ASTN2: variants seen among roughly 807,000 people sequenced by gnomAD.
ASTN2 encodes astrotactin-2.
A neutral mutation model predicts 139.8 loss-of-function variants in ASTN2; 54 were observed. The ratio of observed to expected loss-of-function variants is 0.39; its 90% CI spans 0.31 to 0.48. ASTN2 has a LOEUF of 0.48. ASTN2 is among the 20% of genes least tolerant of loss of function. ASTN2 has a pLI of 0.95. For synonymous variants in ASTN2, 756 were observed against 719.5 expected (o/e 1.05, Z -0.81); for missense variants, 1,565 against 1,725.1 (o/e 0.91, Z 1.64).
chr9:116,531,407 T>G (rs1377461503), intron 19 of ASTN2, among the ~76,000 whole-genome samples: 2 of 152,244 alleles, frequency 1.3e-5, no homozygotes, highest in African/African-American at 4.8e-5. Context: ...AGGGTACATA[T>G]GCACAACGTG....
chr9:116,824,133 T>C (rs1366779230), intron 11 of ASTN2, among the ~76,000 whole-genome samples: 1 of 152,196 alleles, frequency 6.6e-6, no homozygotes, highest in African/African-American at 2.4e-5. Context: ...CTACTTCTTA[T>C]AAGTTGTATA....
chr9:117,169,649 A>G (rs1830745665), intron 3 of ASTN2, among the ~76,000 whole-genome samples: 1 of 152,016 alleles, frequency 6.6e-6, no homozygotes, highest in Admixed American at 6.6e-5. Flanking sequence ...GCTTTCAAAC[A>G]GAGTCAATCT....
chr9:116,661,238 G>C (rs1276317671), intron 16 of ASTN2, among the ~76,000 whole-genome samples: 1 of 152,072 alleles, frequency 6.6e-6, no homozygotes, highest in Non-Finnish European at 1.5e-5. Context: ...GGTCATATGT[G>C]ATCTCCTGCT....
intron 19 of ASTN2, among the ~76,000 whole-genome samples, chr9:116,527,389 A>C (rs1207998886): frequency 6.6e-6 from 1 of 152,220 alleles, no homozygotes; most frequent in Non-Finnish European, 1.5e-5. Flanking sequence ...TTTTCTCAAA[A>C]AAGGCATACA....
intron 13 of ASTN2, among the ~76,000 whole-genome samples, chr9:116,737,757 T>A (rs1202994131): frequency 6.6e-6 from 1 of 152,076 alleles, no homozygotes; most frequent in Non-Finnish European, 1.5e-5. Context: ...TGTCAAGATA[T>A]AGTAGCGTAC....
At chr9:116,531,367 T>G (rs1422329035) in intron 19 of ASTN2, among the ~76,000 whole-genome samples, 1 of 152,196 alleles carries the variant, frequency 6.6e-6, no homozygotes, top group Non-Finnish European at 1.5e-5. Context: ...TTACTGATGT[T>G]TACAATTTTT....
chr9:117,129,664 T>G (rs1359542575), intron 4 of ASTN2, among the ~76,000 whole-genome samples: 6 of 152,176 alleles, frequency 3.9e-5, no homozygotes. Context: ...TGTCTCCCAC[T>G]TGGACTATGT....
chr9:117,411,960 T>C (rs1198777796), intron 1 of ASTN2, among the ~76,000 whole-genome samples: 6 of 151,400 alleles, frequency 4.0e-5, no homozygotes, highest in African/African-American at 1.5e-4. Flanking sequence ...AAATGTCTCA[T>C]AGTATCAGCC....
At chr9:116,612,731 G>A (rs1342085469) in intron 19 of ASTN2, 4 of 151,964 alleles carry the variant, frequency 2.6e-5, no homozygotes, top group Admixed American at 1.3e-4. Context: ...TGTGTAGAGG[G>A]AGATTTATAG....
chr9:117,308,233 C>CAATA (rs1401979990), intron 1 of ASTN2, among the ~76,000 whole-genome samples: 45 of 151,716 alleles, frequency 3.0e-4, no homozygotes, highest in African/African-American at 1.1e-3. Context: ...ATCAATCAAT[C>CAATA]AATCAATCAA....
chr9:116,760,288 A>C (rs1304926341), intron 13 of ASTN2, among the ~76,000 whole-genome samples: 1 of 152,154 alleles, frequency 6.6e-6, no homozygotes, highest in Non-Finnish European at 1.5e-5. Flanking sequence ...CAGTGTTAAG[A>C]CTATTTTTTG....
chr9:116,534,511 C>G (rs552493175), intron 19 of ASTN2, among the ~76,000 whole-genome samples: 3 of 152,054 alleles, frequency 2.0e-5, no homozygotes, highest in Non-Finnish European at 4.4e-5. Context: ...TGCTATAAAT[C>G]TCCCTCACAC....
Position 116,634,604 on chromosome 9 carries a change from AAAAAAAAAAAAAT to A in ASTN2, c.3073-14174_3073-14162del, listed in dbSNP as rs1856980512. Among the ~76,000 whole-genome samples the A allele has an allele frequency of 2.0e-5, 3 of 151,182 alleles. No individual in the cohort carries two copies. In the South Asian group the frequency reaches 6.2e-4, roughly 31 times the overall value. Reference sequence around the variant, plus strand: ...GACTCCGTCTCAAAAAAAAAAAAAAAAAAAAAAAAAAATAAGCAAAATAATTTTTTAACAGCTG... The same window carrying A: ...GACTCCGTCTCAAAAAAAAAAAAAAAAAGCAAAATAATTTTTTAACAGCTG... On this transcript the variant is annotated intron_variant, in intron 17 of 22. Transcript: ENST00000313400.
chr9:116,454,485 T>G (rs921010513), intron 20 of ASTN2, among the ~76,000 whole-genome samples: 4 of 152,184 alleles, frequency 2.6e-5, no homozygotes, highest in African/African-American at 9.6e-5. Flanking sequence ...TGGAAGACAG[T>G]GTGGTGATTC....
chr9:116,655,833 G>A (rs948388964), intron 16 of ASTN2, among the ~76,000 whole-genome samples: 1 of 152,054 alleles, frequency 6.6e-6, no homozygotes, highest in African/African-American at 2.4e-5. Flanking sequence ...TGGGACCACA[G>A]ACACATGCCA....
At chr9:116,793,038 A>T (rs1830598295) in intron 13 of ASTN2, among the ~76,000 whole-genome samples, 2 of 152,202 alleles carry the variant, frequency 1.3e-5, no homozygotes, top group South Asian at 4.2e-4. Flanking sequence ...CATTGCCCAA[A>T]CCTCAGGATC....
At chr9:116,753,899 A>G (rs1829467122) in intron 13 of ASTN2, among the ~76,000 whole-genome samples, 1 of 151,978 alleles carries the variant, frequency 6.6e-6, no homozygotes, top group Non-Finnish European at 1.5e-5. Flanking sequence ...ATCAACCTCA[A>G]CACGTCACCT....
At chr9:116,772,047 T>C (rs1191991321) in intron 13 of ASTN2, among the ~76,000 whole-genome samples, 1 of 152,238 alleles carries the variant, frequency 6.6e-6, no homozygotes, top group Non-Finnish European at 1.5e-5. Flanking sequence ...ATTTACAAAA[T>C]ATATTAAATA....
chr9:116,859,536 T>C (rs1218319174), intron 11 of ASTN2, among the ~76,000 whole-genome samples: 2 of 152,224 alleles, frequency 1.3e-5, no homozygotes, highest in Admixed American at 6.5e-5. Context: ...GCATCTGTGA[T>C]CTGTTAGAGA....
Sources: gnomAD v4.1 joint callset for allele counts (sites outside exome capture counted in the v4.1 genomes callset) on GRCh38, gnomAD v4.1.1 for gene constraint, MANE v1.5 for transcripts, NCBI Gene and HGNC (gene_info 2026-07-23, HGNC 2026-07-21) for gene names.